Variants in SUMF1 observed in about 807,000 individuals in gnomAD.
SUMF1 encodes the protein formylglycine-generating enzyme.
In SUMF1, 48 loss-of-function variants were observed where a neutral mutation model predicts 47.6. The ratio of observed to expected loss-of-function variants is 1.01; its 90% CI spans 0.80 to 1.28. The LOEUF is 1.28. Ranked by LOEUF, SUMF1 falls within the 50% of genes most tolerant of loss-of-function variation. The pLI is 0.00. For missense variants in SUMF1, 571 were observed against 485.4 expected, an observed-to-expected ratio of 1.18 and a Z score of -1.66; for synonymous variants, 230 against 192.1, an observed-to-expected ratio of 1.20 and a Z score of -1.63.
chr3:4,254,971 A>C (rs1229150425), intron 8 of SUMF1, among the ~76,000 whole-genome samples: 5 of 152,102 alleles, frequency 3.3e-5, no homozygotes, highest in Non-Finnish European at 7.4e-5. Flanking sequence ...AACATTCTTA[A>C]AGAAAACAAT....
At chr3:4,233,742 T>C (rs1696350675) in intron 8 of SUMF1, among the ~76,000 whole-genome samples, 1 of 152,116 alleles carries the variant, frequency 6.6e-6, no homozygotes, top group Admixed American at 6.6e-5. Flanking sequence ...CCTGAACCTA[T>C]GTGAGTTAGG....
chr3:4,467,123 CGCACCGGTCCCGGCCTCCTGGCTCCCT>C lies in SUMF1; in HGVS notation c.96_122del (p.Ser34_Gly42del). ...AAGAACCCGCAAGGGACCCCGCGCC[CGCACCGGTCCCGGCCTCCTGGCTCCCT>C]GCCGCTCCACACAGCAGCGAGAGCA... On this transcript the variant is annotated inframe_deletion, in exon 1 of 9. Coordinates refer to ENST00000272902, the MANE Select transcript of SUMF1 (RefSeq NM_182760.4). 1 of 1,561,558 alleles carries C rather than the reference CGCACCGGTCCCGGCCTCCTGGCTCCCT, an allele frequency of 6.4e-7. No homozygotes were observed. Among genetic ancestry groups the C allele is most frequent in the Non-Finnish European group, 8.7e-7 (1 of 1,154,378 alleles).
intron 1 of SUMF1, among the ~76,000 whole-genome samples, chr3:4,462,460 G>A (rs1210228596): frequency 6.6e-6 from 1 of 152,162 alleles, no homozygotes; most frequent in Non-Finnish European, 1.5e-5. Flanking sequence ...GGTGTGTCTG[G>A]GGCCATATTT....
intron 8 of SUMF1, among the ~76,000 whole-genome samples, chr3:4,168,511 A>G (rs1462229566): frequency 6.6e-6 from 1 of 152,188 alleles, no homozygotes; most frequent in East Asian, 1.9e-4. Flanking sequence ...TAAATATTTT[A>G]TGCAAATGAA....
intron 9 of SUMF1, among the ~76,000 whole-genome samples, chr3:4,054,280 G>C (rs538354827): frequency 6.6e-5 from 10 of 152,162 alleles, no homozygotes; most frequent in Admixed American, 2.6e-4. Flanking sequence ...GCCTTCACCA[G>C]AAACAAAACA....
At chr3:4,318,296 T>TA (rs1385639870) in intron 8 of SUMF1, among the ~76,000 whole-genome samples, 1 of 152,018 alleles carries the variant, frequency 6.6e-6, no homozygotes, top group Non-Finnish European at 1.5e-5. Flanking sequence ...TGGTTTAACA[T>TA]ACGAAAATCA....
chr3:4,211,197 TAC>T (rs1420467717), intron 8 of SUMF1, among the ~76,000 whole-genome samples: 2 of 68,082 alleles, frequency 2.9e-5, no homozygotes, highest in South Asian at 5.1e-4. Flanking sequence ...TACATATACA[TAC>T]ATACATATAT....
intron 8 of SUMF1, among the ~76,000 whole-genome samples, chr3:4,088,381 A>T (rs1049989079): frequency 2.0e-5 from 3 of 152,008 alleles, no homozygotes; most frequent in Non-Finnish European, 4.4e-5. Flanking sequence ...GACAATATAT[A>T]TTTGCCCAAA....
chr3:4,134,589 G>A (rs958628766), intron 8 of SUMF1, among the ~76,000 whole-genome samples: 1 of 152,208 alleles, frequency 6.6e-6, no homozygotes, highest in Non-Finnish European at 1.5e-5. Flanking sequence ...ACATTCAAAA[G>A]CAGAAGGCAG....
intron 8 of SUMF1, among the ~76,000 whole-genome samples, chr3:4,282,048 G>T (rs1418888472): frequency 6.6e-6 from 1 of 152,140 alleles, no homozygotes; most frequent in African/African-American, 2.4e-5. Flanking sequence ...TATTTAACAT[G>T]ACTGATTTGT....
chr3:4,163,653 G>A (rs1289603648), intron 8 of SUMF1, among the ~76,000 whole-genome samples: 1 of 151,326 alleles, frequency 6.6e-6, no homozygotes, highest in Non-Finnish European at 1.5e-5. Context: ...GCCTATGAAA[G>A]GTAAGTGCCA....
At chr3:4,377,238 T>C (rs1205246318) in intron 7 of SUMF1, among the ~76,000 whole-genome samples, 3 of 152,172 alleles carry the variant, frequency 2.0e-5, no homozygotes, top group East Asian at 1.9e-4. Context: ...GTAAAATTCA[T>C]CCTTTTTAAG....
At chr3:4,359,545 A>T (rs1352933261), downstream of SUMF1, among the ~76,000 whole-genome samples, 1 of 152,216 alleles carries the variant, frequency 6.6e-6, no homozygotes, top group East Asian at 1.9e-4. Flanking sequence ...TGGGTAATTT[A>T]TAAAGAAAAG....
chr3:4,433,104 A>G (rs943353511), intron 3 of SUMF1, among the ~76,000 whole-genome samples: 2 of 152,202 alleles, frequency 1.3e-5, no homozygotes, highest in African/African-American at 4.8e-5. Flanking sequence ...TCTTAAAGCT[A>G]GACATCCCTC....
intron 8 of SUMF1, among the ~76,000 whole-genome samples, chr3:4,199,711 C>A (rs1344007748): frequency 6.6e-6 from 1 of 151,998 alleles, no homozygotes; most frequent in Non-Finnish European, 1.5e-5. Context: ...ATTCTCATTT[C>A]CCTAATGACT....
At chr3:4,366,036 AT>A (rs1299742780) in intron 8 of SUMF1, among the ~76,000 whole-genome samples, 1 of 151,764 alleles carries the variant, frequency 6.6e-6, no homozygotes, top group Non-Finnish European at 1.5e-5. Context: ...AGAATGTTGA[AT>A]ATTGGCCCCC....
intron 8 of SUMF1, among the ~76,000 whole-genome samples, chr3:4,176,646 C>A (rs377412200): frequency 6.6e-6 from 1 of 152,140 alleles, no homozygotes; most frequent in African/African-American, 2.4e-5. Flanking sequence ...GGCAAAATAA[C>A]CAGTCAACTT....
chr3:4,452,624 C>A (rs1703010968), intron 2 of SUMF1, among the ~76,000 whole-genome samples: 1 of 152,198 alleles, frequency 6.6e-6, no homozygotes, highest in South Asian at 2.1e-4. Context: ...AGGCTGGAAT[C>A]CCAGCTCTAC....
intron 3 of SUMF1, among the ~76,000 whole-genome samples, chr3:4,431,664 C>T (rs527735699): frequency 6.6e-6 from 1 of 152,296 alleles, no homozygotes; most frequent in Non-Finnish European, 1.5e-5. Flanking sequence ...CATCATGGCC[C>T]TCTGCCCTTC....
Sources: allele counts gnomAD v4.1 joint callset (sites outside exome capture counted in the v4.1 genomes callset), GRCh38; gene constraint gnomAD v4.1.1; transcripts MANE v1.5; gene names NCBI Gene and HGNC (gene_info 2026-07-23, HGNC 2026-07-21).